CACNB4: variants seen among roughly 807,000 people sequenced by gnomAD.
The protein encoded by CACNB4 is calcium voltage-gated channel auxiliary subunit beta 4.
CACNB4 carries 32 observed loss-of-function variants against 71.2 expected under a neutral mutation model. The observed-to-expected ratio is 0.45, with a 90% CI of 0.34 to 0.60. The LOEUF is 0.60. CACNB4 is among the 20% of genes least tolerant of loss of function. The pLI is 0.01. For synonymous variants in CACNB4, 231 were observed against 236.9 expected, an observed-to-expected ratio of 0.97 and a Z score of 0.23; for missense variants, 464 against 647.9, an observed-to-expected ratio of 0.72 and a Z score of 3.08.
chr2:151,988,644 G>A (rs1681511413), intron 2 of CACNB4, among the ~76,000 whole-genome samples: 1 of 152,140 alleles, frequency 6.6e-6, no homozygotes, highest in Non-Finnish European at 1.5e-5. Context: ...GTCTGGGGAG[G>A]TCCCAGTTCC....
At chr2:151,970,397 T>A (rs565501295) in intron 2 of CACNB4, 4 of 152,336 alleles carry the variant, frequency 2.6e-5, no homozygotes, top group African/African-American at 9.6e-5. Flanking sequence ...TGGATCCCCA[T>A]AAGAACATCC....
At position 152,099,028 on chromosome 2, in the gene CACNB4, A is replaced by G. The variant is rs769264633; in HGVS notation, c.-17T>C. The G allele has an allele frequency of 6.6e-6, 10 of 1,513,418 alleles. No homozygotes were observed. In the South Asian group the frequency reaches 1.0e-4, roughly 15 times the overall value. 93.7% of individuals were successfully genotyped at this position (1,513,418 alleles called of 1,614,324 possible). On this transcript the variant is annotated 5_prime_UTR_variant, in exon 1 of 14. An upstream start codon of the reference 5' UTR is lost. Transcript: ENST00000539935. The stretch of plus-strand genomic sequence containing the variant: ...GGAGGACATCGTTCAGAGCCGCCGC[A>G]TGGCCAGCCCGTGTGCGGTGGGCGG...
intron 2 of CACNB4, among the ~76,000 whole-genome samples, chr2:152,074,746 C>G (rs1255913715): frequency 1.2e-4 from 18 of 148,810 alleles, no homozygotes; most frequent in Non-Finnish European, 2.2e-4. Flanking sequence ...ATTACCACCT[C>G]TATCATCACC....
chr2:152,023,579 C>A (rs1461792008), intron 2 of CACNB4, among the ~76,000 whole-genome samples: 1 of 152,014 alleles, frequency 6.6e-6, no homozygotes, highest in African/African-American at 2.4e-5. Flanking sequence ...GGATTACAGG[C>A]GCCTGCCACC....
intron 2 of CACNB4, among the ~76,000 whole-genome samples, chr2:151,939,548 G>A (rs16830490): frequency 0.093 from 14,189 of 152,192 alleles, 2,161 homozygotes; most frequent in African/African-American, 0.32. Context: ...GGCATCACCC[G>A]TGACCATTTC....
intron 4 of CACNB4, 40 bp from the exon 5 acceptor site, chr2:151,876,596 C>G (rs1264738610): frequency 1.4e-6 from 2 of 1,411,616 alleles, no homozygotes; most frequent in South Asian, 2.5e-5. Flanking sequence ...TAGTAATTCA[C>G]TTATCTTCAC....
At chr2:151,977,755 T>C (rs141947914) in intron 2 of CACNB4, among the ~76,000 whole-genome samples, 32 of 152,352 alleles carry the variant, frequency 2.1e-4, no homozygotes, top group African/African-American at 7.2e-4. Flanking sequence ...AAAGCCAGTG[T>C]AGTTATGCGT....
chr2:151,929,636 T>C (rs2099861129), intron 2 of CACNB4, among the ~76,000 whole-genome samples: 1 of 152,208 alleles, frequency 6.6e-6, no homozygotes, highest in African/African-American at 2.4e-5. Context: ...TATGACTGTA[T>C]ACCTGGGAAT....
intron 2 of CACNB4, among the ~76,000 whole-genome samples, chr2:152,032,707 T>C (rs1684350155): frequency 6.6e-6 from 1 of 152,200 alleles, no homozygotes; most frequent in South Asian, 2.1e-4. Flanking sequence ...GGCTCATGCC[T>C]ATAATCTCAG....
intron 2 of CACNB4, among the ~76,000 whole-genome samples, chr2:151,932,766 G>A (rs141951318): frequency 1.6e-4 from 24 of 149,772 alleles, no homozygotes; most frequent in Admixed American, 6.7e-4. Flanking sequence ...GGAGGCGGAG[G>A]TTGCAGTGAG....
intron 2 of CACNB4, among the ~76,000 whole-genome samples, chr2:152,076,525 C>T (rs1322683478): frequency 6.6e-6 from 1 of 151,954 alleles, no homozygotes; most frequent in Admixed American, 6.6e-5. Flanking sequence ...AACTATGGGT[C>T]CATGGACATC....
chr2:152,004,726 A>G lies in CACNB4; in HGVS notation c.147+93604T>C, dbSNP rs146715577. Among the ~76,000 whole-genome samples the G allele has an allele frequency of 3.5e-4, 53 of 152,318 alleles. 1 individual carries two copies. In the East Asian group the frequency reaches 9.8e-3, roughly 28 times the overall value. ...ACCAGCAGAATAGGGCTCCCGCAGC[A>G]CCACTTAGCTGGGCTGGACAATGGG... is the stretch of plus-strand genomic sequence containing the variant. On this transcript the variant is annotated intron_variant, in intron 2 of 13. Coordinates refer to ENST00000539935, the MANE Select transcript of CACNB4 (RefSeq NM_000726.5).
At chr2:151,853,261 C>T (rs2151352159) in intron 12 of CACNB4, 187 bp downstream of exon 12, 1 of 517,994 alleles carries the variant, frequency 1.9e-6, no homozygotes, top group South Asian at 2.6e-5. Context: ...ACAAGGCAAA[C>T]ACCATCCACA....
chr2:151,877,799 T>C (rs1254046988), intron 4 of CACNB4, among the ~76,000 whole-genome samples: 1 of 152,182 alleles, frequency 6.6e-6, no homozygotes, highest in Non-Finnish European at 1.5e-5. Flanking sequence ...TAAGTTAAGT[T>C]CCATGACAAG....
At chr2:151,852,417 G>A (rs1051994695) in intron 12 of CACNB4, 5 of 152,142 alleles carry the variant, frequency 3.3e-5, no homozygotes, top group African/African-American at 1.2e-4. Context: ...GAGCCAGAGG[G>A]GCACGGGTTC....
At chr2:152,066,717 C>T (rs1431488270) in intron 2 of CACNB4, among the ~76,000 whole-genome samples, 3 of 149,054 alleles carry the variant, frequency 2.0e-5, no homozygotes, top group Admixed American at 7.0e-5. Flanking sequence ...TGGCATTATT[C>T]GCAATAGCAA....
intron 2 of CACNB4, among the ~76,000 whole-genome samples, chr2:152,046,695 G>C (rs1685156433): frequency 6.6e-6 from 1 of 152,166 alleles, no homozygotes; most frequent in African/African-American, 2.4e-5. Flanking sequence ...GGTAAGCTCT[G>C]CCTGTTGAGC....
intron 9 of CACNB4, among the ~76,000 whole-genome samples, chr2:151,863,664 C>A (rs185139252): frequency 2.0e-5 from 3 of 151,700 alleles, no homozygotes; most frequent in East Asian, 3.9e-4. Flanking sequence ...CAGATTCACA[C>A]TTTTTTTTTC....
chr2:151,934,130 T>C (rs1041107715), intron 2 of CACNB4, among the ~76,000 whole-genome samples: 6 of 152,162 alleles, frequency 3.9e-5, no homozygotes, highest in African/African-American at 1.4e-4. Context: ...TAATAAGAAC[T>C]TGAGGTCACT....
Sources: gnomAD v4.1 joint callset for allele counts (sites outside exome capture counted in the v4.1 genomes callset) on GRCh38, gnomAD v4.1.1 for gene constraint, MANE v1.5 for transcripts, NCBI Gene and HGNC (gene_info 2026-07-23, HGNC 2026-07-21) for gene names.